The following MYO18A variants were observed in gnomAD, a reference collection of about 807,000 sequenced individuals.
MYO18A encodes unconventional myosin-XVIIIa.
Under a neutral mutation model 235.8 loss-of-function variants are expected in MYO18A, and 78 were observed. That is an observed-to-expected ratio of 0.33 (90% CI 0.28 to 0.40). The LOEUF (loss-of-function observed/expected upper bound fraction) is 0.40. Among genes scored for constraint, MYO18A ranks in the 10% least tolerant of loss-of-function variants. The pLI is 1.00. For missense variants in MYO18A, 2,215 were observed against 2,699.3 expected (o/e 0.82, Z 3.98); for synonymous variants, 977 against 1,077.8 (o/e 0.91, Z 1.83).
intron 2 of MYO18A, among the ~76,000 whole-genome samples, chr17:29,152,410 AAGC>A (rs1352147799): frequency 2.6e-5 from 4 of 152,162 alleles, no homozygotes; most frequent in African/African-American, 9.7e-5. Flanking sequence ...GTCACAGAGA[AAGC>A]AGCCCAATTT....
At position 29,115,688 on chromosome 17, in the gene MYO18A, C is replaced by T. The variant is rs1341881761; in HGVS notation, c.2203G>A (p.Glu735Lys). ...RSTSFRQGPE[E>K]SGLGDGTGPK... ...CCTGTCCCATCTCCCAGGCCACTCT[C>T]CTCGGGGCCCTGGCGGAAGGAGGTG... Residue 735 changes from glutamate to lysine, a missense_variant, in exon 12 of 42, where the codon GAG becomes AAG. Glu to Lys is a moderately conservative substitution (Grantham distance 56). Transcript: ENST00000527372. 3 of 1,605,738 alleles carry T rather than the reference C, an allele frequency of 1.9e-6. No homozygotes were observed. Among genetic ancestry groups the T allele is most frequent in the Admixed American group, 1.7e-5 (1 of 59,110 alleles).
rs550166895 is a variant in MYO18A, at chr17:29,164,779, A to G, written c.999+1163T>C. Among the ~76,000 whole-genome samples, 219 of 152,328 alleles carry G rather than the reference A, an allele frequency of 1.4e-3. 1 individual carries two copies. Among genetic ancestry groups the G allele is most frequent in the Non-Finnish European group, 1.7e-3 (118 of 68,026 alleles). The stretch of plus-strand genomic sequence containing the variant: ...TATCAAAAGACCCCTGGGATTAGTG[A>G]GCTTGATGCCCCATGGAGATCCGCT... On this transcript the variant is annotated intron_variant, in intron 2 of 41. Coordinates refer to ENST00000527372, the MANE Select transcript of MYO18A (RefSeq NM_078471.4).
In MYO18A at chr17:29,140,579, A is replaced by G; in HGVS notation, c.1000-18326T>C. ...GCAGTGTGTGTGGAAGGGAAGGAGA[A>G]GGCTCTTAGGGTAAAGCCATTGGGG... On this transcript the variant is annotated intron_variant, in intron 2 of 41. Transcript: ENST00000527372. This position sits in a 1 kb window ranked among gnomAD's most constrained non-coding sequence, Gnocchi z 4.2. 3.0e-6 allele frequency: 1 copy of G among 330,438 alleles called. No homozygotes were observed. Among genetic ancestry groups the G allele is most frequent in the Non-Finnish European group, 5.2e-6 (1 of 190,968 alleles). 20.5% of individuals were successfully genotyped at this position (330,438 alleles called of 1,614,324 possible). A position where few individuals can be genotyped will look rare whatever the true frequency, so the allele number is the denominator to read the frequency against.
intron 2 of MYO18A, among the ~76,000 whole-genome samples, chr17:29,149,778 G>A (rs1272145145): frequency 2.0e-5 from 3 of 152,114 alleles, no homozygotes; most frequent in Non-Finnish European, 1.5e-5. Context: ...CTCCCCCAAG[G>A]CCCAAAGCCA....
At chr17:29,179,939 G>C (rs1048560157) in intron 1 of MYO18A, among the ~76,000 whole-genome samples, 2 of 152,092 alleles carry the variant, frequency 1.3e-5, no homozygotes, top group African/African-American at 2.4e-5. Context: ...GGCAGGAGAA[G>C]TCCCCCCACC....
intron 40 of MYO18A, 149 bp from the exon 41 acceptor site, chr17:29,082,587 TAGAC>T (rs1355679401): frequency 4.1e-6 from 3 of 734,974 alleles, no homozygotes; most frequent in Admixed American, 5.0e-5. Context: ...TGAGAGAGGT[TAGAC>T]AGAGCACACC....
At chr17:29,101,254 T>C (rs2087635) in intron 21 of MYO18A, among the ~76,000 whole-genome samples, 34,371 of 151,798 alleles carry the variant, frequency 0.23, 4,947 homozygotes, top group Non-Finnish European at 0.31. Flanking sequence ...TGCCTCAGCC[T>C]CCCAAAGTAC....
chr17:29,079,992 C>T, intron 41 of MYO18A: 3 of 986,068 alleles, frequency 3.0e-6, no homozygotes, highest in Non-Finnish European at 3.6e-6. Context: ...CCTTCTTCCG[C>T]CTCTTGTGCT....
At chr17:29,116,101 A>G (rs2067052804) in intron 11 of MYO18A, among the ~76,000 whole-genome samples, 1 of 146,108 alleles carries the variant, frequency 6.8e-6, no homozygotes. Context: ...AGCTGCAAAA[A>G]TCCCTTTTCA....
chr17:29,139,464 G>C (rs1284929225), intron 2 of MYO18A, among the ~76,000 whole-genome samples: 2 of 152,116 alleles, frequency 1.3e-5, no homozygotes, highest in African/African-American at 2.4e-5. Context: ...ACTCAGCCCT[G>C]GTGCCAGTTT....
chr17:29,105,158 C>G (rs775309953), intron 20 of MYO18A, among the ~76,000 whole-genome samples: 26 of 122,534 alleles, frequency 2.1e-4, no homozygotes, highest in Non-Finnish European at 3.8e-4. Context: ...GGCGACAGAA[C>G]GAGACTCTGT....
At chr17:29,084,878 T>G (rs1215135770) in intron 40 of MYO18A, among the ~76,000 whole-genome samples, 1 of 151,962 alleles carries the variant, frequency 6.6e-6, no homozygotes, top group Non-Finnish European at 1.5e-5. Context: ...GGCCTGCGCA[T>G]CTGCATCCGC....
In MYO18A at chr17:29,074,270, GGA is replaced by G; in HGVS notation, c.*498_*499del. 7.4e-7 allele frequency: 1 copy of G among 1,349,454 alleles called. No individual in the cohort carries two copies. Among genetic ancestry groups the G allele is most frequent in the Non-Finnish European group, 1.0e-6 (1 of 986,472 alleles). The allele number at this position is 1,349,454 out of a possible 1,614,324, so 83.6% of individuals were successfully genotyped here. On this transcript the variant is annotated 3_prime_UTR_variant, in exon 42 of 42. Transcript: ENST00000527372. This position sits in a 1 kb window ranked among gnomAD's most constrained non-coding sequence, Gnocchi z 4.4. ...CCACTCTCAGGGATGCAGCTGTGAT[GGA>G]GAGGTTGGGTATTTAAATTAAAAAG...
chr17:29,177,858 A>C (rs2068566884), intron 1 of MYO18A, among the ~76,000 whole-genome samples: 1 of 152,128 alleles, frequency 6.6e-6, no homozygotes, highest in African/African-American at 2.4e-5. Flanking sequence ...CCCAGGTGAG[A>C]GGATCTGGCT....
intron 38 of MYO18A, 174 bp downstream of exon 38, chr17:29,086,762 C>T (rs193051398): frequency 3.2e-5 from 35 of 1,110,136 alleles, no homozygotes; most frequent in Non-Finnish European, 4.4e-5. Context: ...GAGGGAGTCT[C>T]CAGTGCCGCT....
chr17:29,100,389 C>T lies in MYO18A; in HGVS notation c.3508-627G>A, dbSNP rs577391173. Among the ~76,000 whole-genome samples the T allele has an allele frequency of 1.9e-3, 283 of 152,324 alleles. 2 individuals carry two copies. The highest frequency in any genetic ancestry group is 6.4e-3 in the African/African-American group (268 of 41,568). On this transcript the variant is annotated intron_variant, in intron 21 of 41. Transcript: ENST00000527372. ...AGATGGTCTCCTCTTTCATGTGCCACCCCCCAACACACACCCAAGTTTCAC... is the reference window on the plus strand; with the variant it reads ...AGATGGTCTCCTCTTTCATGTGCCATCCCCCAACACACACCCAAGTTTCAC...
chr17:29,150,448 G>T (rs552422137), intron 2 of MYO18A, among the ~76,000 whole-genome samples: 2 of 152,358 alleles, frequency 1.3e-5, no homozygotes, highest in South Asian at 2.1e-4. Flanking sequence ...CTGGCCCTGG[G>T]GCATTAGGAT....
intron 1 of MYO18A, 117 bp from the exon 2 acceptor site, chr17:29,167,138 C>T (rs1308313436): frequency 4.5e-6 from 3 of 669,400 alleles, no homozygotes; most frequent in East Asian, 5.6e-5. Context: ...ATGTGCCAGG[C>T]ACTCTGCCTT....
At position 29,074,158 on chromosome 17, in the gene MYO18A, G is replaced by C. The variant is rs1049848; in HGVS notation, c.*612C>G. On this transcript the variant is annotated 3_prime_UTR_variant, in exon 42 of 42. Coordinates refer to ENST00000527372, the MANE Select transcript of MYO18A (RefSeq NM_078471.4). The surrounding 1 kb of genome is among the most constrained non-coding windows in gnomAD (Gnocchi z 4.4). ...CCTCACCAGCGTCTCCAGCTGCACA[G>C]AGAAAGGACTGCTCTCTGAAGGGTG... is the stretch of plus-strand genomic sequence containing the variant. 0.016 allele frequency: 25,143 copies of C among 1,613,204 alleles called. 253 individuals are homozygous for C. Among genetic ancestry groups the C allele is most frequent in the Non-Finnish European group, 0.019 (21,847 of 1,179,514 alleles).
Sources: gnomAD v4.1 joint callset for allele counts (sites outside exome capture counted in the v4.1 genomes callset) on GRCh38, gnomAD v4.1.1 for gene constraint, Gnocchi (gnomAD v3.1) non-coding constraint, MANE v1.5 for transcripts, NCBI Gene and HGNC (gene_info 2026-07-23, HGNC 2026-07-21) for gene names.